Variants in PPP6R2 observed in about 807,000 individuals in gnomAD.
The protein encoded by PPP6R2 is serine/threonine-protein phosphatase 6 regulatory subunit 2.
PPP6R2 carries 62 observed loss-of-function variants against 100.2 expected under a neutral mutation model. The observed-to-expected ratio is 0.62, with a 90% CI of 0.50 to 0.76. The LOEUF (loss-of-function observed/expected upper bound fraction) is 0.76, where lower values mean the gene tolerates loss of function less well. Among genes scored for constraint, PPP6R2 ranks in the 30% least tolerant of loss-of-function variants. The pLI is 0.00. For missense variants in PPP6R2, 1,142 were observed against 1,276.3 expected (o/e 0.89, Z 1.60); for synonymous variants, 525 against 514.7 (o/e 1.02, Z -0.27).
At chr22:50,381,654 C>T (rs1257885582) in intron 2 of PPP6R2, among the ~76,000 whole-genome samples, 3 of 152,186 alleles carry the variant, frequency 2.0e-5, no homozygotes, top group African/African-American at 7.2e-5. Context: ...GGCGTGGTGG[C>T]TCACGCCTGT....
chr22:50,422,104 G>A (rs2061418205), intron 8 of PPP6R2, 150 bp from the exon 9 acceptor site: 3 of 916,442 alleles, frequency 3.3e-6, no homozygotes, highest in Non-Finnish European at 1.6e-6. Flanking sequence ...CAGATCACGT[G>A]TGGAGACGCT....
At position 50,423,332 on chromosome 22, in the gene PPP6R2, GAAC is replaced by G. The variant is rs1163057420; in HGVS notation, c.973-129_973-127del. The G allele has an allele frequency of 9.1e-7, 1 of 1,099,848 alleles. No individual in the cohort carries two copies. The highest frequency in any genetic ancestry group is 1.3e-6 in the Non-Finnish European group (1 of 775,608). 68.1% of individuals were successfully genotyped at this position (1,099,848 alleles called of 1,614,324 possible). A position where few individuals can be genotyped will look rare whatever the true frequency, so the allele number is the denominator to read the frequency against. ...CTTCTGGCAGACGGCCCTCCCTGAG[GAAC>G]CCCCACCACATACCTCGCTACCCCA... is the stretch of plus-strand genomic sequence containing the variant. On this transcript the variant is annotated intron_variant, in intron 9 of 23. Coordinates refer to ENST00000612753, the MANE Select transcript of PPP6R2 (RefSeq NM_001242898.2). The surrounding 1 kb of genome is among the most constrained non-coding windows in gnomAD (Gnocchi z 4.8).
At chr22:50,330,949 T>C in the PPP6R2 span, among the ~76,000 whole-genome samples, 3 of 152,124 alleles carry the variant, frequency 2.0e-5, no homozygotes, top group Non-Finnish European at 4.4e-5. Flanking sequence ...ATCTGGATTT[T>C]CGTCCCATAA....
rs1318726162 is a variant in PPP6R2, at chr22:50,423,940, C to G, written c.1125+326C>G. ...CATGTTCTGACTGAACAACATAGAA[C>G]TTACACGGTGGTTATTAGGTATAAA... On this transcript the variant is annotated intron_variant, in intron 10 of 23. Coordinates refer to ENST00000612753, the MANE Select transcript of PPP6R2 (RefSeq NM_001242898.2). The surrounding 1 kb of genome is among the most constrained non-coding windows in gnomAD (Gnocchi z 4.8). Among the ~76,000 whole-genome samples the G allele has an allele frequency of 6.6e-6, 1 of 152,240 alleles. No homozygotes were observed. The highest frequency in any genetic ancestry group is 6.5e-5 in the Admixed American group (1 of 15,284).
intron 8 of PPP6R2, among the ~76,000 whole-genome samples, chr22:50,420,379 G>A (rs1309324584): frequency 6.6e-6 from 1 of 152,212 alleles, no homozygotes; most frequent in African/African-American, 2.4e-5. Context: ...CCACATCGCT[G>A]TCCTGAGGTG....
intron 22 of PPP6R2, among the ~76,000 whole-genome samples, chr22:50,442,366 C>G (rs1244566421): frequency 6.6e-6 from 1 of 152,222 alleles, no homozygotes; most frequent in Non-Finnish European, 1.5e-5. Context: ...CAGCTCCTCC[C>G]CTTGTTTGGC....
chr22:50,437,632 G>A (rs374297461), intron 16 of PPP6R2, 29 bp downstream of exon 16: 17 of 1,550,754 alleles, frequency 1.1e-5, no homozygotes, highest in Admixed American at 5.0e-5. Context: ...CACTCTGCAC[G>A]AGGCGCGGCT....
At chr22:50,374,589 A>T (rs1043482641) in intron 2 of PPP6R2, among the ~76,000 whole-genome samples, 1 of 152,204 alleles carries the variant, frequency 6.6e-6, no homozygotes, top group Non-Finnish European at 1.5e-5. Context: ...TAGGTTTAGG[A>T]ATCACAATAT....
intron 2 of PPP6R2, among the ~76,000 whole-genome samples, chr22:50,382,847 T>C (rs1391524761): frequency 1.3e-5 from 2 of 151,506 alleles, no homozygotes; most frequent in Admixed American, 1.3e-4. Context: ...TTTTTTTTTT[T>C]TTTTTTTTGA....
chr22:50,438,710 CCCA>C lies in PPP6R2; in HGVS notation c.2079_2081del (p.Pro694del). 6.2e-7 allele frequency: 1 copy of C among 1,613,016 alleles called. No homozygotes were observed. Among genetic ancestry groups the C allele is most frequent in the Non-Finnish European group, 8.5e-7 (1 of 1,179,574 alleles). On this transcript the variant is annotated inframe_deletion, in exon 19 of 24. Transcript: ENST00000612753. ...ACAGAGATGCACCTGGGGCAGGTGC[CCCA>C]CCGGCCCCCGGGAAGAAGGAAGCGC...
At chr22:50,422,226 G>T (rs371398566) in intron 8 of PPP6R2, 28 bp from the exon 9 acceptor site, 3 of 1,608,692 alleles carry the variant, frequency 1.9e-6, no homozygotes, top group African/African-American at 2.7e-5. Flanking sequence ...TGGTGTCCCC[G>T]GTCTCCATCT....
At chr22:50,384,670 A>G (rs112215987) in intron 2 of PPP6R2, among the ~76,000 whole-genome samples, 11,742 of 152,226 alleles carry the variant, frequency 0.077, 785 homozygotes, top group African/African-American at 0.18. Flanking sequence ...TGGTGGCCCA[A>G]GGTGGCGTGG....
chr22:50,397,293 G>A (rs2057101969), intron 3 of PPP6R2, among the ~76,000 whole-genome samples: 1 of 152,138 alleles, frequency 6.6e-6, no homozygotes, highest in Non-Finnish European at 1.5e-5. Context: ...GAGATGCCCT[G>A]AGTAAACAAT....
intron 2 of PPP6R2, among the ~76,000 whole-genome samples, chr22:50,373,939 G>C (rs943181942): frequency 1.3e-5 from 2 of 151,916 alleles, no homozygotes; most frequent in African/African-American, 4.8e-5. Flanking sequence ...TCACCACGTT[G>C]GTCAGGCTGG....
In PPP6R2 at chr22:50,423,741, C is replaced by T; in HGVS notation, c.1125+127C>T. ...AGCTCTGCCACGGGGAGGTTCCAGT[C>T]CCAAGTCCCAAGGCTGGACTACAGG... On this transcript the variant is annotated intron_variant, in intron 10 of 23. Transcript: ENST00000612753. The surrounding 1 kb of genome is among the most constrained non-coding windows in gnomAD (Gnocchi z 4.8). 1 of 1,185,760 alleles carries T rather than the reference C, an allele frequency of 8.4e-7. No individual in the cohort carries two copies. Among genetic ancestry groups the T allele is most frequent in the South Asian group, 1.5e-5 (1 of 68,456 alleles). 73.5% of individuals were successfully genotyped at this position (1,185,760 alleles called of 1,614,324 possible).
intron 2 of PPP6R2, among the ~76,000 whole-genome samples, chr22:50,378,651 C>G (rs1323399303): frequency 6.6e-6 from 1 of 151,658 alleles, no homozygotes. Flanking sequence ...AACTTAATCC[C>G]CAATGCAATA....
chr22:50,337,959 TGTG>T, the PPP6R2 span, among the ~76,000 whole-genome samples: 1 of 131,652 alleles, frequency 7.6e-6, no homozygotes, highest in South Asian at 2.6e-4. Flanking sequence ...ATGTGTGTGG[TGTG>T]TGTGGGTGTG....
chr22:50,396,079 C>T (rs959099141), intron 3 of PPP6R2, among the ~76,000 whole-genome samples: 3 of 150,674 alleles, frequency 2.0e-5, no homozygotes, highest in Non-Finnish European at 2.9e-5. Flanking sequence ...CCTGTAATCT[C>T]AGCTACTCCG....
chr22:50,389,726 C>G (rs12159165), intron 2 of PPP6R2, among the ~76,000 whole-genome samples: 54,939 of 151,232 alleles, frequency 0.36, 10,524 homozygotes, highest in South Asian at 0.62. Context: ...AGCCTCCCGA[C>G]TAGCTGGGAT....
Sources: gnomAD v4.1 joint callset for allele counts (sites outside exome capture counted in the v4.1 genomes callset) on GRCh38, gnomAD v4.1.1 for gene constraint, Gnocchi (gnomAD v3.1) non-coding constraint, MANE v1.5 for transcripts, NCBI Gene and HGNC (gene_info 2026-07-23, HGNC 2026-07-21) for gene names.